The following NAV3 variants were observed in gnomAD, a reference collection of about 807,000 sequenced individuals.
NAV3 encodes the protein pore membrane and/or filament interacting like protein 1.
Under a neutral mutation model 244.7 loss-of-function variants are expected in NAV3, and 87 were observed. The ratio of observed to expected loss-of-function variants is 0.36; its 90% CI spans 0.30 to 0.42. The LOEUF is 0.42. Among genes scored for constraint, NAV3 ranks in the 20% least tolerant of loss-of-function variants. NAV3 has a pLI of 1.00. For synonymous variants in NAV3, 1,126 were observed against 1,042.2 expected (o/e 1.08, Z -1.55); for missense variants, 2,663 against 2,893.3 (o/e 0.92, Z 1.83).
In NAV3 at chr12:77,957,276, A is replaced by G. The variant is rs75971218; in HGVS notation, c.415-8953A>G. Among the ~76,000 whole-genome samples, 771 of 152,310 alleles carry G rather than the reference A, an allele frequency of 5.1e-3. 7 individuals are homozygous for G. The highest frequency in any genetic ancestry group is 6.2e-3 in the Non-Finnish European group (424 of 68,026). ...TCATTCATTTTTATATCCCTTCACC[A>G]TTGAGCAGAGCTCTTTGACCATAAT... On this transcript the variant is annotated intron_variant, in intron 3 of 39. Coordinates refer to ENST00000397909, the MANE Select transcript of NAV3 (RefSeq NM_001024383.2).
At chr12:78,189,434 T>C (rs1253016781) in intron 33 of NAV3, among the ~76,000 whole-genome samples, 1 of 151,756 alleles carries the variant, frequency 6.6e-6, no homozygotes, top group Non-Finnish European at 1.5e-5. Context: ...CTTAATTCCT[T>C]GCCAAACGTA....
chr12:78,003,672 T>C (rs1200767677), intron 7 of NAV3, among the ~76,000 whole-genome samples: 1 of 152,218 alleles, frequency 6.6e-6, no homozygotes, highest in East Asian at 1.9e-4. Flanking sequence ...AAACTTTCCA[T>C]ATGCCTGTTG....
intron 22 of NAV3, among the ~76,000 whole-genome samples, chr12:78,155,097 A>G (rs1957249204): frequency 6.6e-6 from 1 of 151,944 alleles, no homozygotes; most frequent in Non-Finnish European, 1.5e-5. Flanking sequence ...TGCCATAGTG[A>G]TTTGCTGCAC....
intron 1 of NAV3, among the ~76,000 whole-genome samples, chr12:77,850,078 T>G (rs1002805045): frequency 5.3e-5 from 8 of 152,176 alleles, no homozygotes; most frequent in Non-Finnish European, 1.2e-4. Flanking sequence ...TAAACCTGCT[T>G]AGAAAAATAA....
chr12:77,971,690 A>T lies in NAV3; in HGVS notation c.671+2988A>T, dbSNP rs568952889. Among the ~76,000 whole-genome samples, 6 of 152,144 alleles carry T rather than the reference A, an allele frequency of 3.9e-5. No individual in the cohort carries two copies. In the South Asian group the frequency reaches 8.3e-4, roughly 21 times the overall value. On this transcript the variant is annotated intron_variant, in intron 5 of 39. Coordinates refer to ENST00000397909, the MANE Select transcript of NAV3 (RefSeq NM_001024383.2). ...TTGCTGGAGGTGTGAGTCATAAATC[A>T]TGATTTATGATGCCTTTCTATTGAT...
intron 2 of NAV3, among the ~76,000 whole-genome samples, chr12:77,809,391 A>G (rs1872168796): frequency 1.3e-5 from 2 of 152,162 alleles, no homozygotes; most frequent in South Asian, 4.1e-4. Context: ...TCCTCACAGC[A>G]CAGTCCCTCA....
chr12:77,974,457 A>ATTT (rs200654335), intron 5 of NAV3, among the ~76,000 whole-genome samples: 1 of 142,182 alleles, frequency 7.0e-6, no homozygotes, highest in Non-Finnish European at 1.5e-5. Flanking sequence ...GTTTATTATT[A>ATTT]TTTTTTTTTT....
chr12:78,200,509 A>G lies in NAV3; in HGVS notation c.6752A>G (p.Glu2251Gly), dbSNP rs1241542056. Reference sequence around the variant, plus strand: ...TTCCTTCCTTGCCCCATGGATGTAGAAGGTTCTAGAGTATGGTTCATGGAT... The same window carrying G: ...TTCCTTCCTTGCCCCATGGATGTAGGAGGTTCTAGAGTATGGTTCATGGAT... The part of the protein sequence containing the change: ...RLFLPCPMDV[E>G]GSRVWFMDLW... Residue 2251 changes from glutamate (E) to glycine (G), a missense_variant, in exon 38 of 40, where the codon GAA (glutamate) becomes GGA (glycine). By Grantham distance (98) the Glu-to-Gly change is moderately conservative. Transcript: ENST00000397909. 1 of 1,596,304 alleles carries G rather than the reference A, an allele frequency of 6.3e-7. No individual in the cohort carries two copies. Among genetic ancestry groups the G allele is most frequent in the Non-Finnish European group, 8.5e-7 (1 of 1,171,044 alleles).
intron 8 of NAV3, among the ~76,000 whole-genome samples, chr12:78,014,186 A>C (rs1217505444): frequency 6.6e-6 from 1 of 151,944 alleles, no homozygotes; most frequent in Non-Finnish European, 1.5e-5. Flanking sequence ...AGCCTCCAAC[A>C]AAGTTTTGAA....
At chr12:77,757,576 C>T (rs1869249276) in intron 2 of NAV3, among the ~76,000 whole-genome samples, 1 of 152,124 alleles carries the variant, frequency 6.6e-6, no homozygotes, top group African/African-American at 2.4e-5. Context: ...TAACTCTTCT[C>T]CTGGTATGTC....
chr12:78,013,118 A>G (rs1409326292), intron 8 of NAV3, among the ~76,000 whole-genome samples: 1 of 152,156 alleles, frequency 6.6e-6, no homozygotes, highest in African/African-American at 2.4e-5. Context: ...AAAGAATTAA[A>G]CCATACCTTC....
intron 11 of NAV3, among the ~76,000 whole-genome samples, chr12:78,057,908 T>C (rs1482247248): frequency 6.6e-6 from 1 of 152,176 alleles, no homozygotes; most frequent in East Asian, 1.9e-4. Flanking sequence ...CTGATTTTTT[T>C]CCAAACAATC....
At chr12:78,045,192 G>A (rs1365967134) in intron 9 of NAV3, among the ~76,000 whole-genome samples, 1 of 152,070 alleles carries the variant, frequency 6.6e-6, no homozygotes, top group Admixed American at 6.6e-5. Flanking sequence ...ATAATCATGT[G>A]GTTTTTGCAA....
chr12:77,861,303 T>C (rs1044368684), intron 1 of NAV3, among the ~76,000 whole-genome samples: 1 of 151,884 alleles, frequency 6.6e-6, no homozygotes, highest in Non-Finnish European at 1.5e-5. Flanking sequence ...TAGCCAAACT[T>C]GACCAGAAGT....
At chr12:77,984,679 G>A (rs369606463) in intron 5 of NAV3, among the ~76,000 whole-genome samples, 4 of 152,056 alleles carry the variant, frequency 2.6e-5, no homozygotes, top group Non-Finnish European at 4.4e-5. Flanking sequence ...CAATGTATTC[G>A]ATGTTTACTA....
At chr12:78,163,395 C>T (rs1425799500) in intron 23 of NAV3, among the ~76,000 whole-genome samples, 1 of 151,936 alleles carries the variant, frequency 6.6e-6, no homozygotes, top group Non-Finnish European at 1.5e-5. Flanking sequence ...GTATGAATAA[C>T]TTAGAAGGCA....
At chr12:77,932,915 G>C (rs891566237) in intron 1 of NAV3, among the ~76,000 whole-genome samples, 1 of 152,046 alleles carries the variant, frequency 6.6e-6, no homozygotes, top group Non-Finnish European at 1.5e-5. Flanking sequence ...TCATAGCTCT[G>C]TTCCTCTGTA....
At chr12:78,132,604 C>T (rs1350264902) in intron 18 of NAV3, among the ~76,000 whole-genome samples, 1 of 152,148 alleles carries the variant, frequency 6.6e-6, no homozygotes, top group Non-Finnish European at 1.5e-5. Context: ...GTATTAGGTG[C>T]AAACCCTGGG....
At chr12:78,034,886 T>C (rs1032430102) in intron 9 of NAV3, among the ~76,000 whole-genome samples, 1 of 152,222 alleles carries the variant, frequency 6.6e-6, no homozygotes, top group Admixed American at 6.5e-5. Flanking sequence ...TATCTGATAT[T>C]TGTACTGTAA....
Sources: gnomAD v4.1 joint callset for allele counts (sites outside exome capture counted in the v4.1 genomes callset) on GRCh38, gnomAD v4.1.1 for gene constraint, MANE v1.5 for transcripts, NCBI Gene and HGNC (gene_info 2026-07-23, HGNC 2026-07-21) for gene names.